ADAM22: variants seen among roughly 807,000 people sequenced by gnomAD.
The protein encoded by ADAM22 is disintegrin and metalloproteinase domain-containing protein 22.
A neutral mutation model predicts 144.6 loss-of-function variants in ADAM22; 65 were observed. The observed-to-expected ratio is 0.45, with a 90% CI of 0.37 to 0.55. The LOEUF is 0.55. Among genes scored for constraint, ADAM22 ranks in the 20% least tolerant of loss-of-function variants. The pLI is 0.00. For synonymous variants in ADAM22, 391 were observed against 412.6 expected, an observed-to-expected ratio of 0.95 and a Z score of 0.63; for missense variants, 974 against 1,184.9, an observed-to-expected ratio of 0.82 and a Z score of 2.61.
At chr7:88,096,472 T>A (rs1821329945) in intron 4 of ADAM22, among the ~76,000 whole-genome samples, 1 of 150,626 alleles carries the variant, frequency 6.6e-6, no homozygotes, top group Non-Finnish European at 1.5e-5. Context: ...CTCTGCTACA[T>A]AGTTTTTTTT....
At chr7:88,167,288 C>A (rs1843172975) in intron 24 of ADAM22, among the ~76,000 whole-genome samples, 1 of 152,154 alleles carries the variant, frequency 6.6e-6, no homozygotes, top group Admixed American at 6.5e-5. Flanking sequence ...AGGCCTCATT[C>A]AGATCAGCCT....
At chr7:88,077,658 T>C (rs1354226311) in intron 4 of ADAM22, among the ~76,000 whole-genome samples, 1 of 152,188 alleles carries the variant, frequency 6.6e-6, no homozygotes, top group Non-Finnish European at 1.5e-5. Context: ...TACTGCGCTT[T>C]TCCAACGGGC....
intron 3 of ADAM22, among the ~76,000 whole-genome samples, chr7:88,002,724 A>T (rs1434576485): frequency 6.6e-6 from 1 of 152,196 alleles, no homozygotes; most frequent in Non-Finnish European, 1.5e-5. Context: ...GTGAAGAAGA[A>T]CCTTTTCCTT....
intron 4 of ADAM22, among the ~76,000 whole-genome samples, chr7:88,106,589 T>C (rs13234177): frequency 0.072 from 10,979 of 152,260 alleles, 511 homozygotes; most frequent in Admixed American, 0.11. Context: ...GTCCTTTCTG[T>C]TTCACTCTTT....
chr7:87,982,695 AT>A lies in ADAM22; in HGVS notation c.323+4284del, dbSNP rs1562916723. 7.8e-3 allele frequency among the ~76,000 whole-genome samples: 584 copies of A among 74,606 alleles called. 24 individuals are homozygous for A. Among genetic ancestry groups the A allele is most frequent in the African/African-American group, 0.036 (493 of 13,838 alleles). 48.9% of individuals were successfully genotyped at this position (74,606 alleles called of 152,430 possible). On this transcript the variant is annotated intron_variant, in intron 3 of 31. Transcript: ENST00000413139. ...CATATATATATATATATATATATATATATAATTTTTTTTTTTGAGATACAGT... is the reference window on the plus strand; with the variant it reads ...CATATATATATATATATATATATATAATAATTTTTTTTTTTGAGATACAGT...
intron 3 of ADAM22, among the ~76,000 whole-genome samples, chr7:88,026,291 G>A (rs1188779280): frequency 6.6e-6 from 1 of 152,182 alleles, no homozygotes; most frequent in African/African-American, 2.4e-5. Flanking sequence ...GGCAAAGTGG[G>A]AGCAGGCATT....
At chr7:88,019,160 T>A (rs746345622) in intron 3 of ADAM22, among the ~76,000 whole-genome samples, 4 of 152,116 alleles carry the variant, frequency 2.6e-5, no homozygotes, top group Non-Finnish European at 5.9e-5. Flanking sequence ...AGAAAGAATA[T>A]CCATTAGCCC....
intron 2 of ADAM22, among the ~76,000 whole-genome samples, chr7:87,952,898 C>T (rs1480286375): frequency 1.3e-5 from 2 of 152,146 alleles, no homozygotes; most frequent in Admixed American, 6.5e-5. Context: ...GGAATTTATC[C>T]ATTTCTTCTA....
intron 4 of ADAM22, among the ~76,000 whole-genome samples, chr7:88,078,275 C>A (rs892840708): frequency 6.6e-6 from 1 of 152,196 alleles, no homozygotes; most frequent in African/African-American, 2.4e-5. Context: ...CTCCAACAGA[C>A]CTGCAGCTGA....
intron 31 of ADAM22, 97 bp from the exon 32 acceptor site, chr7:88,196,374 A>G (rs78031419): frequency 0.16 from 222,626 of 1,367,638 alleles, 19,804 homozygotes; most frequent in Non-Finnish European, 0.19. Context: ...AATCACATAT[A>G]TATGGATGGA....
intron 24 of ADAM22, among the ~76,000 whole-genome samples, chr7:88,167,028 C>T (rs1843114576): frequency 6.6e-6 from 1 of 152,172 alleles, no homozygotes; most frequent in Non-Finnish European, 1.5e-5. Context: ...GTCCACTAGT[C>T]TGCTCAGATG....
chr7:88,132,503 A>G (rs1024108732), intron 11 of ADAM22: 3 of 189,012 alleles, frequency 1.6e-5, no homozygotes, highest in African/African-American at 7.1e-5. Context: ...TTTGAAGAGT[A>G]TAGGCCAATT....
At position 88,178,957 on chromosome 7, in the gene ADAM22, G is replaced by A; in HGVS notation, c.2323G>A (p.Val775Ile). ...EQRQLPQGDY[V>I]KKPGDGDSFY... Reference sequence around the variant, plus strand: ...TAGACAGTTACCCCAGGGAGATTATGTAAAAAAGCCTGGAGATGGTGACTC... The same window carrying A: ...TAGACAGTTACCCCAGGGAGATTATATAAAAAAGCCTGGAGATGGTGACTC... Residue 775 changes from valine (V) to isoleucine (I), a missense_variant, in exon 27 of 32, where the codon GTA (valine) becomes ATA (isoleucine). Physicochemically the swap from Val to Ile is conservative, Grantham distance 29. This residue lies in a region of ADAM22 where 734 missense variants were observed against 950.6 expected (regional missense o/e 0.77). Coordinates refer to ENST00000413139, the MANE Select transcript of ADAM22 (RefSeq NM_001324418.2). 5 of 1,611,344 alleles carry A rather than the reference G, an allele frequency of 3.1e-6. No individual in the cohort carries two copies. Among genetic ancestry groups the A allele is most frequent in the Non-Finnish European group, 4.2e-6 (5 of 1,178,800 alleles).
At chr7:88,017,803 G>A (rs1796880850) in intron 3 of ADAM22, among the ~76,000 whole-genome samples, 3 of 151,354 alleles carry the variant, frequency 2.0e-5, no homozygotes, top group Admixed American at 2.0e-4. Context: ...ATATGTGTGT[G>A]TATATATATG....
chr7:88,189,215 C>T (rs1001704531), intron 30 of ADAM22, among the ~76,000 whole-genome samples: 1 of 152,116 alleles, frequency 6.6e-6, no homozygotes, highest in Non-Finnish European at 1.5e-5. Flanking sequence ...CAAGTGAGAT[C>T]AGGACAAGAG....
chr7:87,972,651 G>T (rs1850753028), intron 2 of ADAM22, among the ~76,000 whole-genome samples: 1 of 152,158 alleles, frequency 6.6e-6, no homozygotes, highest in Non-Finnish European at 1.5e-5. Context: ...AAAGAACAAA[G>T]CCAGAGGCAT....
At chr7:88,077,646 A>C (rs578075913) in intron 4 of ADAM22, among the ~76,000 whole-genome samples, 1 of 152,330 alleles carries the variant, frequency 6.6e-6, no homozygotes, top group African/African-American at 2.4e-5. Context: ...CTCCCACCCT[A>C]ATACTGCGCT....
In ADAM22 at chr7:88,187,536, T is replaced by C. The variant is rs576709688; in HGVS notation, c.2750+835T>C. Among the ~76,000 whole-genome samples the C allele has an allele frequency of 3.3e-5, 5 of 152,332 alleles. No homozygotes were observed. In the South Asian group the frequency reaches 6.2e-4, roughly 19 times the overall value. On this transcript the variant is annotated intron_variant, in intron 30 of 31. Coordinates refer to ENST00000413139, the MANE Select transcript of ADAM22 (RefSeq NM_001324418.2). ...TTCCAAGAGTTCGTAATGGCATTTT[T>C]TACCCTTATATAATATCAAAGTGAT...
chr7:87,994,442 T>C (rs1562976835), intron 3 of ADAM22, among the ~76,000 whole-genome samples: 1 of 152,056 alleles, frequency 6.6e-6, no homozygotes, highest in Non-Finnish European at 1.5e-5. Flanking sequence ...ATTACAGGCG[T>C]GAGCCACCGC....
Sources: allele counts gnomAD v4.1 joint callset (sites outside exome capture counted in the v4.1 genomes callset), GRCh38; gene constraint gnomAD v4.1.1; regional missense constraint gnomAD v4.1.1; transcripts MANE v1.5; gene names NCBI Gene and HGNC (gene_info 2026-07-23, HGNC 2026-07-21).